Variants in ZNF221 observed in about 807,000 individuals in gnomAD.
ZNF221 encodes zinc finger protein 221.
Under a neutral mutation model 12.6 loss-of-function variants are expected in ZNF221, and 10 were observed. The observed-to-expected ratio is 0.79, with a 90% CI of 0.49 to 1.34. The LOEUF (loss-of-function observed/expected upper bound fraction) is 1.34, where lower values mean the gene tolerates loss of function less well. ZNF221 is among the 40% of genes most tolerant of loss of function. ZNF221 has a pLI of 0.00. For missense variants in ZNF221, 661 were observed against 721.4 expected (o/e 0.92, Z 0.96); for synonymous variants, 232 against 244.0 (o/e 0.95, Z 0.46).
At chr19:43,972,763 CAA>C in the ZNF221 span, among the ~76,000 whole-genome samples, 17 of 67,940 alleles carry the variant, frequency 2.5e-4, no homozygotes, top group South Asian at 6.8e-4. Flanking sequence ...AATAGTCTAC[CAA>C]AAAAAAAAAA....
At chr19:43,959,185 T>G (rs1021646651) in intron 1 of ZNF221, among the ~76,000 whole-genome samples, 1 of 152,208 alleles carries the variant, frequency 6.6e-6, no homozygotes, top group Non-Finnish European at 1.5e-5. Context: ...TGAGTAAAGA[T>G]TCCTTAAGAA....
the ZNF221 span, among the ~76,000 whole-genome samples, chr19:43,980,119 A>T: frequency 2.0e-5 from 3 of 152,232 alleles, no homozygotes. Flanking sequence ...CAAGGCATCA[A>T]ATTCCAGCTC....
chr19:43,965,712 T>C (rs1012984347), intron 4 of ZNF221, 92 bp from the exon 5 acceptor site: 11 of 1,206,522 alleles, frequency 9.1e-6, no homozygotes, highest in East Asian at 2.4e-5. Flanking sequence ...CCTGTTTTCA[T>C]TAAAGTTTAA....
the ZNF221 span, among the ~76,000 whole-genome samples, chr19:43,973,346 G>T: frequency 6.6e-6 from 1 of 152,078 alleles, no homozygotes; most frequent in African/African-American, 2.4e-5. Context: ...CACAAGACAA[G>T]GACCAGCCCC....
In ZNF221 at chr19:43,967,469, A is replaced by G. The variant is rs1422176150; in HGVS notation, c.*113A>G. 15 of 803,558 alleles carry G rather than the reference A, an allele frequency of 1.9e-5. No homozygotes were observed. Among genetic ancestry groups the G allele is most frequent in the Non-Finnish European group, 2.9e-5 (15 of 512,270 alleles). The allele number at this position is 803,558 out of a possible 1,614,324, so 49.8% of individuals were successfully genotyped here. On this transcript the variant is annotated 3_prime_UTR_variant, in exon 5 of 5. Coordinates refer to ENST00000587682, the MANE Select transcript of ZNF221 (RefSeq NM_001297588.2). ...GAGAACTGTGGGAAGAGCTTTGTAC[A>G]TAGATCATATCTTTTTTTTTTTTTT...
downstream of ZNF221, among the ~76,000 whole-genome samples, chr19:43,970,171 T>C (rs1975066634): frequency 6.7e-6 from 1 of 149,050 alleles, no homozygotes; most frequent in Non-Finnish European, 1.5e-5. Context: ...GTGGCAGCCC[T>C]ACAGTTGCTA....
chr19:43,965,313 G>C lies in ZNF221; in HGVS notation c.289G>C (p.Glu97Gln), dbSNP rs1334971583. 1 of 1,613,110 alleles carries C rather than the reference G, an allele frequency of 6.2e-7. No homozygotes were observed. Among genetic ancestry groups the C allele is most frequent in the Admixed American group, 1.7e-5 (1 of 59,768 alleles). The change falls in exon 4 of 5, where the codon GAA (glutamate) becomes CAA (glutamine). Residue 97 changes from glutamate (E) to glutamine (Q), a missense_variant. Coordinates refer to ENST00000587682, the MANE Select transcript of ZNF221 (RefSeq NM_001297588.2). ...GAAGATGAAGACAACAAGCCAAAGA[G>C]AAGGGAATTCAGGTAAGAACCAAGT... Reference protein sequence around the residue: ...FWKMKTTSQREGNSGGKIQIE... With the variant: ...FWKMKTTSQRQGNSGGKIQIE...
intron 2 of ZNF221, among the ~76,000 whole-genome samples, chr19:43,963,973 T>C (rs1974894107): frequency 6.6e-6 from 1 of 152,124 alleles, no homozygotes; most frequent in Non-Finnish European, 1.5e-5. Context: ...TTTAAATGTG[T>C]TTATTGACAT....
the ZNF221 span, among the ~76,000 whole-genome samples, chr19:43,977,976 T>A: frequency 6.6e-6 from 1 of 152,160 alleles, no homozygotes; most frequent in African/African-American, 2.4e-5. Context: ...CATGGGCAGT[T>A]GTCTAGAGGA....
At position 43,960,639 on chromosome 19, in the gene ZNF221, G is replaced by A. The variant is rs531852983; in HGVS notation, c.-2-2086G>A. Among the ~76,000 whole-genome samples, 18 of 152,360 alleles carry A rather than the reference G, an allele frequency of 1.2e-4. No individual in the cohort carries two copies. In the South Asian group the frequency reaches 3.5e-3, roughly 30 times the overall value. On this transcript the variant is annotated intron_variant, in intron 1 of 4. Transcript: ENST00000587682. The stretch of plus-strand genomic sequence containing the variant: ...GCCCAGGGACCCCCTGCCCTGAGCA[G>A]CCTCAAGACATTGTGCCCTGAATCC...
chr19:43,964,895 T>C, intron 2 of ZNF221, 55 bp from the exon 3 acceptor site: 1 of 1,612,272 alleles, frequency 6.2e-7, no homozygotes, highest in South Asian at 1.1e-5. Context: ...AGTGCCACCC[T>C]TCTTTGAATA....
intron 1 of ZNF221, 63 bp from the exon 2 acceptor site, chr19:43,962,662 G>A: frequency 6.9e-7 from 1 of 1,444,778 alleles, no homozygotes; most frequent in Non-Finnish European, 9.7e-7. Flanking sequence ...TGTCTATGTT[G>A]GTGGTCGGCA....
chr19:43,956,340 C>T (rs898953311), intron 1 of ZNF221, among the ~76,000 whole-genome samples: 1 of 152,210 alleles, frequency 6.6e-6, no homozygotes, highest in Non-Finnish European at 1.5e-5. Context: ...TAGTCAGATA[C>T]AATGTCCATT....
At chr19:43,974,688 A>G in the ZNF221 span, among the ~76,000 whole-genome samples, 1 of 150,874 alleles carries the variant, frequency 6.6e-6, no homozygotes, top group African/African-American at 2.4e-5. Context: ...ACAATGAGAT[A>G]CTGTCTCACA....
intron 1 of ZNF221, among the ~76,000 whole-genome samples, chr19:43,960,564 C>T (rs1394713194): frequency 6.6e-6 from 1 of 152,190 alleles, no homozygotes; most frequent in African/African-American, 2.4e-5. Context: ...GAAAGTCCCT[C>T]CCATCACAGG....
chr19:43,978,824 T>G, the ZNF221 span, among the ~76,000 whole-genome samples: 6 of 152,092 alleles, frequency 3.9e-5, no homozygotes, highest in Non-Finnish European at 8.8e-5. Context: ...AGTCTCAATC[T>G]CTGTGTTTGA....
rs560708887 is a variant in ZNF221 at position 43,962,925 on chromosome 19, T to C, written c.81+118T>C. The stretch of plus-strand genomic sequence containing the variant: ...AACAAGCATTTGAGGGCATTTTGTT[T>C]GCCAGATGCTTCCTTTGCTGCTTTT... On this transcript the variant is annotated intron_variant, in intron 2 of 4. Transcript: ENST00000587682. 73 of 879,724 alleles carry C rather than the reference T, an allele frequency of 8.3e-5. 2 individuals are homozygous for C. In the East Asian group the frequency reaches 1.2e-3, roughly 14 times the overall value. 54.5% of individuals were successfully genotyped at this position (879,724 alleles called of 1,614,324 possible).
chr19:43,953,258 T>G (rs78248070), intron 1 of ZNF221, among the ~76,000 whole-genome samples: 1 of 93,686 alleles, frequency 1.1e-5, no homozygotes, highest in Non-Finnish European at 1.8e-5. Context: ...GTCATTAAGC[T>G]TTTTTTTTTT....
At chr19:43,971,527 G>GAC (rs1253614835), downstream of ZNF221, among the ~76,000 whole-genome samples, 1 of 151,730 alleles carries the variant, frequency 6.6e-6, no homozygotes, top group Non-Finnish European at 1.5e-5. Flanking sequence ...CACGTGCAAA[G>GAC]ACACACATAG....
Sources: allele counts gnomAD v4.1 joint callset (sites outside exome capture counted in the v4.1 genomes callset), GRCh38; gene constraint gnomAD v4.1.1; transcripts MANE v1.5; gene names NCBI Gene and HGNC (gene_info 2026-07-23, HGNC 2026-07-21).